Variants in STPG4 observed in about 807,000 individuals in gnomAD.
STPG4 encodes the protein protein STPG4.
In STPG4, 41 loss-of-function variants were observed where a neutral mutation model predicts 31.5. That is an observed-to-expected ratio of 1.30 (90% CI 1.01 to 1.69). The LOEUF (loss-of-function observed/expected upper bound fraction) is 1.69, where lower values mean the gene tolerates loss of function less well. Ranked by LOEUF, STPG4 falls within the 40% of genes most tolerant of loss-of-function variation. The probability of loss-of-function intolerance (pLI) is 0.00; values close to 1 mark genes in which losing one functional copy is unlikely to be tolerated. For synonymous variants in STPG4, 141 were observed against 103.0 expected (o/e 1.37, Z -2.24); for missense variants, 375 against 293.4 (o/e 1.28, Z -2.03).
intron 5 of STPG4, among the ~76,000 whole-genome samples, chr2:47,101,611 C>T (rs1182936555): frequency 6.6e-6 from 1 of 151,692 alleles, no homozygotes; most frequent in East Asian, 1.9e-4. Flanking sequence ...ACTCTGTTAC[C>T]TTCTTTAGGC....
Position 47,151,666 on chromosome 2 carries a change from G to C in STPG4, c.142-151C>G, listed in dbSNP as rs1558690233. 3 of 650,232 alleles carry C rather than the reference G, an allele frequency of 4.6e-6. No individual in the cohort carries two copies. In the East Asian group the frequency reaches 8.1e-5, roughly 18 times the overall value. 40.3% of individuals were successfully genotyped at this position (650,232 alleles called of 1,614,324 possible). Reference sequence around the variant, plus strand: ...AATACAGTAAACACTCTTGACAGAAGAGTATTTCAAAATCATGATTATTTC... The same window carrying C: ...AATACAGTAAACACTCTTGACAGAACAGTATTTCAAAATCATGATTATTTC... On this transcript the variant is annotated intron_variant, in intron 2 of 6. Transcript: ENST00000445927.
At chr2:47,088,496 T>G (rs1038508056) in intron 6 of STPG4, among the ~76,000 whole-genome samples, 1 of 152,238 alleles carries the variant, frequency 6.6e-6, no homozygotes, top group Non-Finnish European at 1.5e-5. Context: ...AGCCTGGGCA[T>G]GGGCTTCCCA....
Position 47,087,018 on chromosome 2 carries a change from A to T in STPG4, c.737T>A (p.Leu246His), listed in dbSNP as rs374443514. Residue 246 changes from leucine to histidine, a missense_variant, in exon 7 of 7, where the codon CTT (leucine) becomes CAT (histidine). By Grantham distance (99) the Leu-to-His change is moderately conservative. Coordinates refer to ENST00000445927, the MANE Select transcript of STPG4 (RefSeq NM_001163561.2). ...HSLFFNNNNW[L>H]LK ...GGTGCCAAGATCACTTTATTTTAAA[A>T]GCCAATTGTTGTTGTTGAAGAAAAG... is the stretch of plus-strand genomic sequence containing the variant. 42 of 1,551,622 alleles carry T rather than the reference A, an allele frequency of 2.7e-5. 1 individual carries two copies. The highest frequency in any genetic ancestry group is 3.3e-4 in the Middle Eastern group (2 of 6,014).
In STPG4 at chr2:47,126,978, G is replaced by A. The variant is rs141772865; in HGVS notation, c.519+2963C>T. On this transcript the variant is annotated intron_variant, in intron 5 of 6. Transcript: ENST00000445927. Reference sequence around the variant, plus strand: ...GATTTTTGGGAGTTTGATTATTAATGTCTTGAGGTGGTCTTATTTGGGTTA... The same window carrying A: ...GATTTTTGGGAGTTTGATTATTAATATCTTGAGGTGGTCTTATTTGGGTTA... Among the ~76,000 whole-genome samples the A allele has an allele frequency of 7.6e-3, 1,153 of 152,074 alleles. 18 individuals carry two copies. The highest frequency in any genetic ancestry group is 0.026 in the African/African-American group (1,081 of 41,512).
intron 5 of STPG4, among the ~76,000 whole-genome samples, chr2:47,092,050 T>G (rs949860209): frequency 1.4e-5 from 2 of 147,994 alleles, no homozygotes; most frequent in African/African-American, 5.0e-5. Flanking sequence ...AAACTTGGAA[T>G]GAAATTATCT....
chr2:47,091,173 G>A (rs912044185), intron 5 of STPG4, among the ~76,000 whole-genome samples: 7 of 151,014 alleles, frequency 4.6e-5, no homozygotes, highest in African/African-American at 1.5e-4. Context: ...AGGGAGGGAG[G>A]GGAAGGAAGG....
chr2:47,121,722 CCCTCCAG>C (rs1686274910), intron 5 of STPG4, among the ~76,000 whole-genome samples: 2 of 152,186 alleles, frequency 1.3e-5, no homozygotes, highest in Admixed American at 1.3e-4. Context: ...GGGCCATGCT[CCCTCCAG>C]AGGATCTAAG....
At chr2:47,145,714 A>G (rs983137823) in intron 3 of STPG4, among the ~76,000 whole-genome samples, 5 of 152,270 alleles carry the variant, frequency 3.3e-5, no homozygotes, top group Admixed American at 3.3e-4. Flanking sequence ...AATATTAATC[A>G]TCAGACACTG....
In STPG4 at chr2:47,099,634, C is replaced by T. The variant is rs796925721; in HGVS notation, c.520-9260G>A. Among the ~76,000 whole-genome samples the T allele has an allele frequency of 7.9e-5, 12 of 152,390 alleles. 1 individual carries two copies. The highest frequency in any genetic ancestry group is 2.9e-4 in the African/African-American group (12 of 41,600). ...TGCCTGGGCTCCCACTTTGGCGGCA[C>T]TTGAGGAGCCCTTCAGCCCACCGCT... On this transcript the variant is annotated intron_variant, in intron 5 of 6. Coordinates refer to ENST00000445927, the MANE Select transcript of STPG4 (RefSeq NM_001163561.2).
chr2:47,104,335 A>C (rs1319698491), intron 5 of STPG4, among the ~76,000 whole-genome samples: 1 of 152,054 alleles, frequency 6.6e-6, no homozygotes, highest in Non-Finnish European at 1.5e-5. Context: ...AAGGAAATGC[A>C]GCAGTCCCTG....
chr2:47,093,345 G>C (rs1685608650), intron 5 of STPG4, among the ~76,000 whole-genome samples: 1 of 152,208 alleles, frequency 6.6e-6, no homozygotes, highest in Admixed American at 6.5e-5. Flanking sequence ...TCTCTGTGTG[G>C]TGTGAATTCT....
chr2:47,107,925 C>A (rs1258331156), intron 5 of STPG4, among the ~76,000 whole-genome samples: 5 of 151,864 alleles, frequency 3.3e-5, no homozygotes, highest in Non-Finnish European at 4.4e-5. Flanking sequence ...CCTTGGAGAA[C>A]CTTTATGTCT....
chr2:47,154,497 A>G (rs1686991305), intron 1 of STPG4, among the ~76,000 whole-genome samples: 1 of 152,242 alleles, frequency 6.6e-6, no homozygotes, highest in African/African-American at 2.4e-5. Context: ...AATTCCATCT[A>G]TCTACCACTT....
intron 3 of STPG4, among the ~76,000 whole-genome samples, chr2:47,130,538 T>C (rs1314300654): frequency 6.6e-6 from 1 of 152,154 alleles, no homozygotes; most frequent in Non-Finnish European, 1.5e-5. Context: ...TTTTTTGAGA[T>C]GGAGTCTCGC....
chr2:47,117,339 A>G (rs927592761), intron 5 of STPG4, among the ~76,000 whole-genome samples: 1 of 152,128 alleles, frequency 6.6e-6, no homozygotes, highest in African/African-American at 2.4e-5. Flanking sequence ...CCTCCCGAGT[A>G]GCTGGGATTA....
At chr2:47,137,693 C>T (rs1161644711) in intron 3 of STPG4, among the ~76,000 whole-genome samples, 1 of 152,102 alleles carries the variant, frequency 6.6e-6, no homozygotes, top group African/African-American at 2.4e-5. Flanking sequence ...CTTTTCATGT[C>T]AGTTGTGGAA....
At chr2:47,148,686 C>T (rs1320593821) in intron 3 of STPG4, among the ~76,000 whole-genome samples, 1 of 152,080 alleles carries the variant, frequency 6.6e-6, no homozygotes, top group African/African-American at 2.4e-5. Flanking sequence ...TCCACTCCCC[C>T]AACTCCACGA....
Position 47,098,774 on chromosome 2 carries a change from C to G in STPG4, c.520-8400G>C, listed in dbSNP as rs1685729269. ...CAAAAGAGGAAAAAAAAAAAAAAGC[C>G]CCTCAGCAAGGAGGACAGAATCCTG... On this transcript the variant is annotated intron_variant, in intron 5 of 6. Coordinates refer to ENST00000445927, the MANE Select transcript of STPG4 (RefSeq NM_001163561.2). Among the ~76,000 whole-genome samples, 5 of 143,948 alleles carry G rather than the reference C, an allele frequency of 3.5e-5. No individual in the cohort carries two copies. In the South Asian group the frequency reaches 8.6e-4, roughly 25 times the overall value. 94.4% of individuals were successfully genotyped at this position (143,948 alleles called of 152,430 possible).
At chr2:47,092,595 GGGAGAAGGGGAGGGGAGAGGA>G (rs1685592460) in intron 5 of STPG4, among the ~76,000 whole-genome samples, 1 of 121,210 alleles carries the variant, frequency 8.3e-6, no homozygotes, top group African/African-American at 3.0e-5. Flanking sequence ...GGGGAGGGGA[GGGAGAAGGGGAGGGGAGAGGA>G]GGAGAAAGGG....
Sources: gnomAD v4.1 joint callset for allele counts (sites outside exome capture counted in the v4.1 genomes callset) on GRCh38, gnomAD v4.1.1 for gene constraint, MANE v1.5 for transcripts, NCBI Gene and HGNC (gene_info 2026-07-23, HGNC 2026-07-21) for gene names.